The following DRICH1 variants were observed in gnomAD, a reference collection of about 807,000 sequenced individuals.
DRICH1 encodes the protein aspartate rich 1.
A neutral mutation model predicts 39.5 loss-of-function variants in DRICH1; 38 were observed. The observed-to-expected ratio is 0.96, with a 90% confidence interval of 0.74 to 1.26. The LOEUF is 1.26. DRICH1 is among the 50% of genes most tolerant of loss of function. The probability of loss-of-function intolerance (pLI) is 0.00; values close to 1 mark genes in which losing one functional copy is unlikely to be tolerated. For synonymous variants in DRICH1, 84 were observed against 99.5 expected, an observed-to-expected ratio of 0.84 and a Z score of 0.93; for missense variants, 279 against 270.4, an observed-to-expected ratio of 1.03 and a Z score of -0.22.
intron 3 of DRICH1, 123 bp downstream of exon 3, chr22:23,624,760 T>C (rs1927958823): frequency 8.4e-7 from 1 of 1,185,200 alleles, no homozygotes; most frequent in Non-Finnish European, 1.2e-6. Flanking sequence ...AATTATACAC[T>C]CGCAGAATCA....
In DRICH1 at chr22:23,619,365, A is replaced by G. The variant is rs370475142; in HGVS notation, c.435T>C (p.Ser145=). The change falls in exon 6 of 12, where the codon TCT becomes TCC. Residue 145 remains serine, a splice_region_variant and synonymous_variant. Transcript: ENST00000317749. ...QGGCYRFDSS[S]CSSEDNLSLV... ...TACACACATGATCTACAGACTCACA[A>G]GAACTGCTATCAAACCGGTAACAGC... The G allele has an allele frequency of 7.8e-4, 610 of 780,840 alleles. 8 individuals carry two copies. Among genetic ancestry groups the G allele is most frequent in the South Asian group, 7.8e-3 (580 of 74,616 alleles). 48.4% of individuals were successfully genotyped at this position (780,840 alleles called of 1,614,324 possible). A position where few individuals can be genotyped will look rare whatever the true frequency, so the allele number is the denominator to read the frequency against.
At chr22:23,619,121 G>A (rs1927555489) in intron 6 of DRICH1, among the ~76,000 whole-genome samples, 1 of 140,606 alleles carries the variant, frequency 7.1e-6, no homozygotes, top group Non-Finnish European at 1.5e-5. Flanking sequence ...GCAGTGAGGA[G>A]AGATCACATC....
chr22:23,611,846 C>T (rs767273242), intron 11 of DRICH1, among the ~76,000 whole-genome samples: 6 of 152,044 alleles, frequency 3.9e-5, no homozygotes, highest in Non-Finnish European at 8.8e-5. Context: ...TACTGCGCTG[C>T]GTCATTACAG....
chr22:23,612,850 G>A (rs1927121086), intron 11 of DRICH1, among the ~76,000 whole-genome samples: 3 of 152,150 alleles, frequency 2.0e-5, no homozygotes, highest in Admixed American at 1.3e-4. Context: ...AGTTCAGAGG[G>A]TGATTCTCGA....
At chr22:23,599,854 A>T in the DRICH1 span, among the ~76,000 whole-genome samples, 3 of 152,120 alleles carry the variant, frequency 2.0e-5, no homozygotes. Context: ...GGGCAGGGAC[A>T]AGTACTCCCA....
the DRICH1 span, among the ~76,000 whole-genome samples, chr22:23,601,461 A>G: frequency 5.3e-3 from 801 of 152,366 alleles, 1 homozygote; most frequent in Non-Finnish European, 9.2e-3. Context: ...GTCCCCAGAA[A>G]TCACATACTG....
chr22:23,629,236 G>A (rs1300962664), intron 1 of DRICH1, among the ~76,000 whole-genome samples: 2 of 152,144 alleles, frequency 1.3e-5, no homozygotes, highest in Admixed American at 6.5e-5. Context: ...ACAGGGTTTC[G>A]CCAGGTTGGC....
At chr22:23,629,472 A>G (rs1928265414) in intron 1 of DRICH1, among the ~76,000 whole-genome samples, 1 of 152,154 alleles carries the variant, frequency 6.6e-6, no homozygotes, top group Non-Finnish European at 1.5e-5. Flanking sequence ...GGATCAGTAC[A>G]TGAGTGTTGA....
At chr22:23,607,660 G>A (rs983772004), downstream of DRICH1, among the ~76,000 whole-genome samples, 14 of 152,136 alleles carry the variant, frequency 9.2e-5, no homozygotes, top group African/African-American at 3.1e-4. Context: ...CTGTGGAAAT[G>A]CATGTTCCCA....
At chr22:23,619,252 A>T in intron 6 of DRICH1, 112 bp downstream of exon 6, 1 of 700,304 alleles carries the variant, frequency 1.4e-6, no homozygotes, top group South Asian at 1.6e-5. Context: ...GTCAACATAA[A>T]GTTTCTAAAA....
chr22:23,626,169 AAAC>A (rs2123792944), intron 1 of DRICH1, 121 bp from the exon 2 acceptor site: 2 of 688,044 alleles, frequency 2.9e-6, no homozygotes, highest in East Asian at 5.1e-5. Flanking sequence ...CATCTCAGAG[AAAC>A]AACTGTGTTC....
chr22:23,592,835 TAC>T, the DRICH1 span, among the ~76,000 whole-genome samples: 24,803 of 134,844 alleles, frequency 0.18, 2,191 homozygotes, highest in East Asian at 0.27. Context: ...CTATTAAAAA[TAC>T]ACACACACAC....
At chr22:23,610,082 C>G (rs541517087) in intron 11 of DRICH1, among the ~76,000 whole-genome samples, 1 of 152,084 alleles carries the variant, frequency 6.6e-6, no homozygotes, top group African/African-American at 2.4e-5. Flanking sequence ...TTGCCCTGGC[C>G]GTCTCTCCTC....
chr22:23,604,521 G>A (rs1926628993), downstream of DRICH1, among the ~76,000 whole-genome samples: 1 of 152,112 alleles, frequency 6.6e-6, no homozygotes, highest in Admixed American at 6.5e-5. Context: ...ACGCTGATGG[G>A]GACTCCTTGC....
chr22:23,609,280 C>T (rs1926903107), intron 11 of DRICH1, among the ~76,000 whole-genome samples: 1 of 152,234 alleles, frequency 6.6e-6, no homozygotes, highest in Admixed American at 6.5e-5. Flanking sequence ...AGTTGATTAA[C>T]TGCTCAGTGC....
chr22:23,598,822 TTCCATACAGGTGTGC>T, the DRICH1 span, among the ~76,000 whole-genome samples: 83 of 152,230 alleles, frequency 5.5e-4, 3 homozygotes, highest in African/African-American at 1.7e-3. Flanking sequence ...TACAAGTGTG[TTCCATACAGGTGTGC>T]TCCATACAGG....
At position 23,632,147 on chromosome 22, in the gene DRICH1, T is replaced by A. The variant is rs1050940855; in HGVS notation, c.-124A>T. 3.8e-5 allele frequency: 56 copies of A among 1,479,326 alleles called. No homozygotes were observed. The highest frequency in any genetic ancestry group is 4.8e-5 in the Non-Finnish European group (53 of 1,104,234). 91.6% of individuals were successfully genotyped at this position (1,479,326 alleles called of 1,614,324 possible). On this transcript the variant is annotated 5_prime_UTR_variant, in exon 1 of 12. Coordinates refer to ENST00000317749, the MANE Select transcript of DRICH1 (RefSeq NM_016449.4). ...TAGAAGCAGCCTGACCCCAGGCAGA[T>A]CTGGGTCCTCAGCCCTTATTCTGCC...
the DRICH1 span, among the ~76,000 whole-genome samples, chr22:23,587,680 T>C: frequency 6.6e-6 from 1 of 152,168 alleles, no homozygotes; most frequent in Admixed American, 6.5e-5. Context: ...AGCAGAACCC[T>C]GGAAGGTGCC....
chr22:23,631,858 C>G lies in DRICH1; in HGVS notation c.166G>C (p.Gly56Arg), dbSNP rs769723915. Residue 56 changes from glycine (G) to arginine (R), a missense_variant, in exon 1 of 12, where the codon GGC becomes CGC. Gly to Arg is a moderately radical substitution (Grantham distance 125). Transcript: ENST00000317749. ...TTGCTGATGTGCTGCAGGTCTTGGC[C>G]CTCCGTGGCTCCCACATCCAGCTTG... ...PGKLDVGATE[G>R]QDLQHISNQK... The G allele has an allele frequency of 6.2e-7, 1 of 1,612,508 alleles. No individual in the cohort carries two copies. Among genetic ancestry groups the G allele is most frequent in the Non-Finnish European group, 8.5e-7 (1 of 1,180,000 alleles).
Sources: allele counts gnomAD v4.1 joint callset (sites outside exome capture counted in the v4.1 genomes callset), GRCh38; gene constraint gnomAD v4.1.1; transcripts MANE v1.5; gene names NCBI Gene and HGNC (gene_info 2026-07-23, HGNC 2026-07-21).